C10orf71: variants seen among roughly 807,000 people sequenced by gnomAD.
The protein encoded by C10orf71 is cardiac-enriched FHL2-interacting protein.
For synonymous variants in C10orf71, 758 were observed against 726.3 expected (o/e 1.04, Z -0.70); for missense variants, 1,869 against 1,804.5 (o/e 1.04, Z -0.65).
Position 49,326,659 on chromosome 10 carries a change from G to A in C10orf71, c.4114G>A (p.Ala1372Thr), listed in dbSNP as rs1299538540. The change falls in exon 3 of 3, where the codon GCC becomes ACC. Residue 1372 changes from alanine (A) to threonine (T), a missense_variant. Physicochemically the swap from Ala to Thr is moderately conservative, Grantham distance 58. Transcript: ENST00000374144. ...GGGCCCTCGTGCCTCCGCGGCCCGC[G>A]CCAGGACCCAGAGTGTCCACGAGTC... is the stretch of plus-strand genomic sequence containing the variant. ...RQGPRASAAR[A>T]RTQSVHESGL... 1.5e-5 allele frequency: 24 copies of A among 1,550,214 alleles called. No individual in the cohort carries two copies. Among genetic ancestry groups the A allele is most frequent in the East Asian group, 2.4e-5 (1 of 40,906 alleles).
In C10orf71 at chr10:49,323,237, G is replaced by T; in HGVS notation, c.692G>T (p.Gly231Val). Residue 231 changes from glycine (G) to valine (V), a missense_variant, in exon 3 of 3, where the codon GGC becomes GTC. Transcript: ENST00000374144. ...SSKNPEMACH[G>V]SSSFLPAAND... ...AAGAATCCAGAAATGGCCTGTCACG[G>T]CTCCAGCAGCTTCCTCCCAGCAGCC... is the stretch of plus-strand genomic sequence containing the variant. 6.2e-7 allele frequency: 1 copy of T among 1,613,762 alleles called. No individual in the cohort carries two copies. The highest frequency in any genetic ancestry group is 8.5e-7 in the Non-Finnish European group (1 of 1,179,838).
chr10:49,301,864 C>T lies in C10orf71; in HGVS notation c.-248+2631C>T, dbSNP rs143964073. Reference sequence around the variant, plus strand: ...AAAGGGACGTTCTTCTGGGCCATGACACATGGCAGATGGGCAGGCCTTCCT... The same window carrying T: ...AAAGGGACGTTCTTCTGGGCCATGATACATGGCAGATGGGCAGGCCTTCCT... On this transcript the variant is annotated intron_variant, in intron 1 of 2. Transcript: ENST00000374144. Among the ~76,000 whole-genome samples the T allele has an allele frequency of 9.2e-5, 14 of 152,344 alleles. No homozygotes were observed. In the East Asian group the frequency reaches 2.7e-3, roughly 29 times the overall value.
chr10:49,317,605 C>A (rs1226595397), intron 2 of C10orf71, among the ~76,000 whole-genome samples: 2 of 152,148 alleles, frequency 1.3e-5, no homozygotes, highest in Admixed American at 6.5e-5. Flanking sequence ...AATCCCAACA[C>A]TTTGGGAGGC....
At chr10:49,303,141 T>A (rs1183626751) in intron 1 of C10orf71, among the ~76,000 whole-genome samples, 1 of 152,182 alleles carries the variant, frequency 6.6e-6, no homozygotes, top group East Asian at 1.9e-4. Flanking sequence ...GAAAGTCCTG[T>A]GCCTCAGAGT....
Position 49,327,114 on chromosome 10 carries a change from C to A in C10orf71, c.*261C>A. ...GGTCCCCTCCGTGCCAGTTCCCAGG[C>A]GCACTCTACTCCAGCCCTTCTCCCT... On this transcript the variant is annotated 3_prime_UTR_variant, in exon 3 of 3. Coordinates refer to ENST00000374144, the MANE Select transcript of C10orf71 (RefSeq NM_001135196.2). 1.6e-6 allele frequency: 2 copies of A among 1,260,594 alleles called. No individual in the cohort carries two copies. Among genetic ancestry groups the A allele is most frequent in the Non-Finnish European group, 2.1e-6 (2 of 936,274 alleles). 78.1% of individuals were successfully genotyped at this position (1,260,594 alleles called of 1,614,324 possible). A position where few individuals can be genotyped will look rare whatever the true frequency, so the allele number is the denominator to read the frequency against.
rs1849230438 is a variant in C10orf71 at position 49,325,928 on chromosome 10, A to C, written c.3383A>C (p.Glu1128Ala). 1.3e-6 allele frequency: 2 copies of C among 1,550,882 alleles called. No homozygotes were observed. The highest frequency in any genetic ancestry group is 1.7e-6 in the Non-Finnish European group (2 of 1,146,608). ...VWEGGSDPLL[E>A]LSAEDLRTLS... ...GAGGGCGGCTCTGACCCCCTACTTG[A>C]GCTGTCGGCAGAAGACCTCCGGACC... The change falls in exon 3 of 3, where the codon GAG (glutamate) becomes GCG (alanine). Residue 1128 changes from glutamate to alanine, a missense_variant. Physicochemically the swap from Glu to Ala is moderately radical, Grantham distance 107 (BLOSUM62 -1). Transcript: ENST00000374144.
rs1849109481 is a variant in C10orf71, at chr10:49,322,433, A to T, written c.-113A>T. 3.0e-6 allele frequency: 4 copies of T among 1,322,314 alleles called. No individual in the cohort carries two copies. The highest frequency in any genetic ancestry group is 1.6e-5 in the South Asian group (1 of 62,008). 81.9% of individuals were successfully genotyped at this position (1,322,314 alleles called of 1,614,324 possible). A position where few individuals can be genotyped will look rare whatever the true frequency, so the allele number is the denominator to read the frequency against. On this transcript the variant is annotated 5_prime_UTR_variant, in exon 3 of 3. Transcript: ENST00000374144. ...AAAAAAATCCCCACTTTGCAATTGC[A>T]TCTGGTCAATGAGAGGCTCTAGTTT...
At position 49,323,420 on chromosome 10, in the gene C10orf71, A is replaced by G. The variant is rs769491760; in HGVS notation, c.875A>G (p.Asp292Gly). The G allele has an allele frequency of 2.5e-6, 4 of 1,614,030 alleles. No homozygotes were observed. The highest frequency in any genetic ancestry group is 3.4e-6 in the Non-Finnish European group (4 of 1,179,888). Residue 292 changes from aspartate to glycine, a missense_variant, in exon 3 of 3, where the codon GAC (aspartate) becomes GGC (glycine). By Grantham distance (94) the Asp-to-Gly change is moderately conservative. Transcript: ENST00000374144. ...CAACCAAAGCTGCTGGAGAGAAAGG[A>G]CACAGCTGGAACCGTCCCAGAAAGC... ...AHQPKLLERK[D>G]TAGTVPESKA...
chr10:49,311,106 A>G (rs1848905331), intron 1 of C10orf71, among the ~76,000 whole-genome samples: 1 of 151,456 alleles, frequency 6.6e-6, no homozygotes, highest in Non-Finnish European at 1.5e-5. Context: ...GCTGTGAGAC[A>G]TGGAATATCT....
upstream of C10orf71, among the ~76,000 whole-genome samples, chr10:49,297,587 G>C (rs1848658719): frequency 6.6e-6 from 1 of 152,192 alleles, no homozygotes; most frequent in Non-Finnish European, 1.5e-5. Context: ...CTTTGCAATA[G>C]ACGAGCATAT....
In C10orf71 at chr10:49,327,193, T is replaced by G; in HGVS notation, c.*340T>G. 3.6e-6 allele frequency: 2 copies of G among 562,104 alleles called. No homozygotes were observed. Among genetic ancestry groups the G allele is most frequent in the Non-Finnish European group, 5.7e-6 (2 of 351,178 alleles). 34.8% of individuals were successfully genotyped at this position (562,104 alleles called of 1,614,324 possible). Reference sequence around the variant, plus strand: ...CCTGCTCTTCCCTCGCCCTGCAAATTAGGTGGGTGTGGCAAGGGCACCGCC... The same window carrying G: ...CCTGCTCTTCCCTCGCCCTGCAAATGAGGTGGGTGTGGCAAGGGCACCGCC... On this transcript the variant is annotated 3_prime_UTR_variant, in exon 3 of 3. Transcript: ENST00000374144.
chr10:49,307,530 G>C (rs965608801), intron 1 of C10orf71, among the ~76,000 whole-genome samples: 1 of 152,236 alleles, frequency 6.6e-6, no homozygotes, highest in Non-Finnish European at 1.5e-5. Flanking sequence ...TCGCAGGTTA[G>C]CCTTTGTGGA....
Position 49,327,205 on chromosome 10 carries a change from G to A in C10orf71, c.*352G>A. 2.0e-6 allele frequency: 1 copy of A among 488,866 alleles called. No individual in the cohort carries two copies. Among genetic ancestry groups the A allele is most frequent in the Non-Finnish European group, 3.5e-6 (1 of 285,112 alleles). 30.3% of individuals were successfully genotyped at this position (488,866 alleles called of 1,614,324 possible). A position where few individuals can be genotyped will look rare whatever the true frequency, so the allele number is the denominator to read the frequency against. ...TCGCCCTGCAAATTAGGTGGGTGTG[G>A]CAAGGGCACCGCCTGGTCCCAAGTG... On this transcript the variant is annotated 3_prime_UTR_variant, in exon 3 of 3. Coordinates refer to ENST00000374144, the MANE Select transcript of C10orf71 (RefSeq NM_001135196.2).
intron 1 of C10orf71, among the ~76,000 whole-genome samples, chr10:49,303,887 C>A (rs767823093): frequency 1.8e-4 from 27 of 152,228 alleles, no homozygotes; most frequent in Non-Finnish European, 2.6e-4. Flanking sequence ...CTTACCCCTG[C>A]TGTGCTGGTT....
chr10:49,313,366 C>G (rs549421868), intron 1 of C10orf71, among the ~76,000 whole-genome samples: 5 of 152,154 alleles, frequency 3.3e-5, no homozygotes, highest in East Asian at 1.9e-4. Context: ...GGACAAGGAC[C>G]AGGTTGGTTG....
intron 1 of C10orf71, among the ~76,000 whole-genome samples, chr10:49,307,129 T>C (rs1296492344): frequency 6.6e-6 from 1 of 152,240 alleles, no homozygotes; most frequent in Admixed American, 6.5e-5. Context: ...TCCAGATCTT[T>C]CCTGCTCCTA....
intron 2 of C10orf71, among the ~76,000 whole-genome samples, chr10:49,320,460 G>A (rs1849075806): frequency 6.6e-6 from 1 of 152,182 alleles, no homozygotes; most frequent in East Asian, 1.9e-4. Flanking sequence ...GGGATGAGGG[G>A]CAATCAGCGA....
intron 1 of C10orf71, among the ~76,000 whole-genome samples, chr10:49,313,196 G>A (rs1366746153): frequency 6.6e-6 from 1 of 152,232 alleles, no homozygotes; most frequent in Non-Finnish European, 1.5e-5. Flanking sequence ...CCTTGGAATA[G>A]CCTGAAGAAG....
rs747303610 is a variant in C10orf71, at chr10:49,322,962, T to C, written c.417T>C (p.Pro139=). The stretch of plus-strand genomic sequence containing the variant: ...CCGGCCTAAGGAGCAGCAATAAGCC[T>C]GTCTCCAAAGTATCAACACTAATTA... The part of the protein sequence containing the change: ...PVSGLRSSNK[P]VSKVSTLIKS... Residue 139 remains proline (P), a synonymous_variant, in exon 3 of 3, where the codon CCT becomes CCC. Transcript: ENST00000374144. 11 of 1,614,016 alleles carry C rather than the reference T, an allele frequency of 6.8e-6. No homozygotes were observed. Among genetic ancestry groups the C allele is most frequent in the Admixed American group, 3.3e-5 (2 of 60,028 alleles).
Sources: allele counts gnomAD v4.1 joint callset (sites outside exome capture counted in the v4.1 genomes callset), GRCh38; gene constraint gnomAD v4.1.1; transcripts MANE v1.5; gene names NCBI Gene and HGNC (gene_info 2026-07-23, HGNC 2026-07-21).